Variants in SLC12A8 observed in about 807,000 individuals in gnomAD.
SLC12A8 encodes the protein solute carrier family 12 member 8, also known as cation-chloride cotransporter 9.
SLC12A8 carries 69 observed loss-of-function variants against 75.6 expected under a neutral mutation model. The observed-to-expected ratio is 0.91, with a 90% CI of 0.75 to 1.11. The LOEUF (loss-of-function observed/expected upper bound fraction) is 1.11. SLC12A8 is among the 50% of genes most tolerant of loss of function. The pLI is 0.00. For synonymous variants in SLC12A8, 365 were observed against 372.8 expected, an observed-to-expected ratio of 0.98 and a Z score of 0.24; for missense variants, 877 against 896.7, an observed-to-expected ratio of 0.98 and a Z score of 0.28.
intron 5 of SLC12A8, among the ~76,000 whole-genome samples, chr3:125,161,894 T>C (rs759401794): frequency 2.6e-5 from 4 of 152,214 alleles, no homozygotes; most frequent in Non-Finnish European, 4.4e-5. Context: ...AAAAAAACCC[T>C]GGAGGAAAAC....
intron 10 of SLC12A8, among the ~76,000 whole-genome samples, chr3:125,106,930 A>C (rs1465487180): frequency 6.6e-6 from 1 of 152,240 alleles, no homozygotes; most frequent in Non-Finnish European, 1.5e-5. Flanking sequence ...AGAATATGGT[A>C]GGTCCTTGAA....
intron 3 of SLC12A8, among the ~76,000 whole-genome samples, chr3:125,187,841 C>T (rs181798322): frequency 4.7e-4 from 69 of 146,784 alleles, no homozygotes; most frequent in African/African-American, 1.7e-3. Flanking sequence ...TCCAGCATAT[C>T]CTTTAGGCCT....
chr3:125,197,360 C>T (rs376264519), intron 2 of SLC12A8, among the ~76,000 whole-genome samples: 82 of 152,228 alleles, frequency 5.4e-4, no homozygotes, highest in South Asian at 1.2e-3. Flanking sequence ...GGCATGATCA[C>T]GGCTCACTGC....
At chr3:125,135,482 G>A (rs961189090) in intron 6 of SLC12A8, among the ~76,000 whole-genome samples, 187 bp downstream of exon 6, 3 of 152,184 alleles carry the variant, frequency 2.0e-5, no homozygotes, top group Non-Finnish European at 4.4e-5. Context: ...GCAACATAGT[G>A]AGACCCTGTC....
At chr3:125,151,692 G>C (rs989337959) in intron 5 of SLC12A8, 3 of 152,250 alleles carry the variant, frequency 2.0e-5, no homozygotes, top group Non-Finnish European at 4.4e-5. Flanking sequence ...ACGATAACAA[G>C]ACTGTCTTAC....
At chr3:125,140,261 C>T (rs1446871332) in intron 5 of SLC12A8, among the ~76,000 whole-genome samples, 1 of 152,186 alleles carries the variant, frequency 6.6e-6, no homozygotes, top group Non-Finnish European at 1.5e-5. Flanking sequence ...AACAACAAGA[C>T]CTTACAATGT....
intron 2 of SLC12A8, among the ~76,000 whole-genome samples, chr3:125,191,687 C>T (rs1934912588): frequency 6.6e-6 from 1 of 152,222 alleles, no homozygotes; most frequent in Non-Finnish European, 1.5e-5. Flanking sequence ...GATCTAGAAC[C>T]AAAGGCTAAG....
rs750824429 is a variant in SLC12A8 at position 125,187,225 on chromosome 3, C to A, written c.390+12G>T. 42 of 1,609,424 alleles carry A rather than the reference C, an allele frequency of 2.6e-5. No homozygotes were observed. The highest frequency in any genetic ancestry group is 3.5e-5 in the Non-Finnish European group (41 of 1,176,224). ...GGCCAGGCAGGGGAAGCATCCCGGGCGCAGGCCTCACCTGTCCAAACACAT... is the reference window on the plus strand; with the variant it reads ...GGCCAGGCAGGGGAAGCATCCCGGGAGCAGGCCTCACCTGTCCAAACACAT... On this transcript the variant is annotated intron_variant, in intron 4 of 13. Coordinates refer to ENST00000469902, the MANE Select transcript of SLC12A8 (RefSeq NM_024628.6).
intron 5 of SLC12A8, among the ~76,000 whole-genome samples, chr3:125,174,917 A>G (rs1934487206): frequency 6.6e-6 from 1 of 152,262 alleles, no homozygotes; most frequent in African/African-American, 2.4e-5. Context: ...GTCAAAATCC[A>G]TAGAATGTAT....
chr3:125,131,966 A>C (rs1933370196), intron 6 of SLC12A8, among the ~76,000 whole-genome samples: 2 of 152,178 alleles, frequency 1.3e-5, no homozygotes, highest in South Asian at 2.1e-4. Context: ...TGGGGAGTAC[A>C]TAGACCCTAA....
rs564785727 is a variant in SLC12A8 at position 125,107,945 on chromosome 3, G to A, written c.1241C>T (p.Pro414Leu). 17 of 1,614,158 alleles carry A rather than the reference G, an allele frequency of 1.1e-5. No individual in the cohort carries two copies. The highest frequency in any genetic ancestry group is 4.0e-5 in the African/African-American group (3 of 75,032). Residue 414 changes from proline to leucine, a missense_variant, in exon 10 of 14, where the codon CCG becomes CTG. Transcript: ENST00000469902. ...SLSMCSCSLT[P>L]VPEPVLREGA... is the part of the protein sequence containing the mutation. ...CTCCCTGAGCACCGGCTCAGGCACC[G>A]GGGTCAGGCTGCAGGAACACATGGA...
chr3:125,158,477 T>C (rs1261438638), intron 5 of SLC12A8, among the ~76,000 whole-genome samples: 1 of 152,204 alleles, frequency 6.6e-6, no homozygotes, highest in Non-Finnish European at 1.5e-5. Context: ...CACCTCGGCC[T>C]CCCAAAGTGC....
At chr3:125,120,118 C>T (rs1340816068) in intron 7 of SLC12A8, among the ~76,000 whole-genome samples, 1 of 152,164 alleles carries the variant, frequency 6.6e-6, no homozygotes, top group Non-Finnish European at 1.5e-5. Flanking sequence ...TGTCATTATC[C>T]CCATTTCACA....
At chr3:125,139,337 C>T (rs80273796) in intron 5 of SLC12A8, among the ~76,000 whole-genome samples, 2,074 of 152,298 alleles carry the variant, frequency 0.014, 46 homozygotes, top group African/African-American at 0.048. Context: ...TTTGACCAAG[C>T]GCACTGAGGC....
intron 6 of SLC12A8, among the ~76,000 whole-genome samples, chr3:125,133,229 A>C (rs816149): frequency 0.82 from 125,296 of 152,006 alleles, 52,488 homozygotes; most frequent in Middle Eastern, 0.96. Flanking sequence ...TTTTCATTTT[A>C]ACAGCTTTAT....
At chr3:125,178,064 C>A (rs1934579147) in intron 4 of SLC12A8, 90 bp from the exon 5 acceptor site, 1 of 1,044,916 alleles carries the variant, frequency 9.6e-7, no homozygotes, top group Admixed American at 2.0e-5. Context: ...CCCTGCACCC[C>A]CATCGGACAC....
At chr3:125,194,467 A>T (rs1294094178) in intron 2 of SLC12A8, among the ~76,000 whole-genome samples, 1 of 152,110 alleles carries the variant, frequency 6.6e-6, no homozygotes, top group Non-Finnish European at 1.5e-5. Flanking sequence ...GTTGTCTAGA[A>T]AGGTGGGGAA....
intron 5 of SLC12A8, among the ~76,000 whole-genome samples, chr3:125,145,526 G>A (rs1457263007): frequency 6.6e-6 from 1 of 152,198 alleles, no homozygotes; most frequent in African/African-American, 2.4e-5. Context: ...AAGACCTCAT[G>A]CTAAGTGAAA....
chr3:125,170,514 G>T (rs1002478028), intron 5 of SLC12A8, among the ~76,000 whole-genome samples: 1 of 152,240 alleles, frequency 6.6e-6, no homozygotes, highest in Admixed American at 6.5e-5. Flanking sequence ...ATGTTAAAGA[G>T]TGGGGAGTAG....
Sources: gnomAD v4.1 joint callset for allele counts (sites outside exome capture counted in the v4.1 genomes callset) on GRCh38, gnomAD v4.1.1 for gene constraint, MANE v1.5 for transcripts, NCBI Gene and HGNC (gene_info 2026-07-23, HGNC 2026-07-21) for gene names.